Variants in ANKRD12 observed in about 807,000 individuals in gnomAD.
The protein encoded by ANKRD12 is ankyrin repeat domain-containing protein 12.
In ANKRD12, 85 loss-of-function variants were observed where a neutral mutation model predicts 183.4. The observed-to-expected ratio is 0.46, with a 90% CI of 0.39 to 0.56. The LOEUF (loss-of-function observed/expected upper bound fraction) is 0.56. Among genes scored for constraint, ANKRD12 ranks in the 20% least tolerant of loss-of-function variants. The probability of loss-of-function intolerance (pLI) is 0.00; values close to 1 mark genes in which losing one functional copy is unlikely to be tolerated. For missense variants in ANKRD12, 2,405 were observed against 2,357.1 expected (o/e 1.02, Z -0.42); for synonymous variants, 914 against 800.2 (o/e 1.14, Z -2.40).
intron 1 of ANKRD12, among the ~76,000 whole-genome samples, chr18:9,157,281 T>A (rs760495402): frequency 1.3e-5 from 2 of 152,096 alleles, no homozygotes; most frequent in Non-Finnish European, 2.9e-5. Flanking sequence ...TGAAGCCTAT[T>A]TTATAATAAA....
At chr18:9,197,619 C>T (rs1278375038) in intron 3 of ANKRD12, among the ~76,000 whole-genome samples, 5 of 151,890 alleles carry the variant, frequency 3.3e-5, no homozygotes, top group African/African-American at 1.2e-4. Flanking sequence ...CCTGAGATGA[C>T]GTGTTATATT....
intron 6 of ANKRD12, among the ~76,000 whole-genome samples, chr18:9,212,043 T>C (rs2144642545): frequency 6.6e-6 from 1 of 152,220 alleles, no homozygotes; most frequent in South Asian, 2.1e-4. Flanking sequence ...TTTATCCAAG[T>C]TAGGTTTTGC....
intron 11 of ANKRD12, among the ~76,000 whole-genome samples, chr18:9,278,714 C>T (rs1456990746): frequency 1.3e-5 from 2 of 151,820 alleles, no homozygotes; most frequent in African/African-American, 4.8e-5. Flanking sequence ...GGAGAATCGC[C>T]TGAACCTGGG....
intron 2 of ANKRD12, among the ~76,000 whole-genome samples, chr18:9,190,965 G>A (rs369779910): frequency 2.0e-5 from 3 of 152,082 alleles, no homozygotes; most frequent in African/African-American, 7.2e-5. Flanking sequence ...TATTGTTCCC[G>A]AGTTTTCTGT....
At chr18:9,268,095 A>G (rs1259263672) in intron 10 of ANKRD12, among the ~76,000 whole-genome samples, 2 of 152,212 alleles carry the variant, frequency 1.3e-5, no homozygotes, top group Admixed American at 6.5e-5. Context: ...GAATAGACCA[A>G]TAACAGGCTC....
chr18:9,228,715 G>A (rs1489345984), intron 8 of ANKRD12, among the ~76,000 whole-genome samples: 2 of 152,008 alleles, frequency 1.3e-5, no homozygotes, highest in Non-Finnish European at 2.9e-5. Flanking sequence ...CTGGATATTA[G>A]TCCCTTGTCA....
chr18:9,219,816 A>G (rs887824374), intron 7 of ANKRD12, among the ~76,000 whole-genome samples: 2 of 151,836 alleles, frequency 1.3e-5, no homozygotes, highest in African/African-American at 4.8e-5. Context: ...AGTGCTTCTT[A>G]AGATATGGAA....
At position 9,205,206 on chromosome 18, in the gene ANKRD12, TTAAAA is replaced by T. The variant is rs373689985; in HGVS notation, c.304+667_304+671del. On this transcript the variant is annotated intron_variant, in intron 4 of 12. Coordinates refer to ENST00000262126, the MANE Select transcript of ANKRD12 (RefSeq NM_015208.5). ...GAGGATATACAAGTACTGTGTCCTC[TTAAAA>T]TAAAGAGTAAATGTGTTCTCTAGTA... Among the ~76,000 whole-genome samples the T allele has an allele frequency of 3.9e-3, 589 of 152,286 alleles. 3 individuals carry two copies. Among genetic ancestry groups the T allele is most frequent in the African/African-American group, 0.013 (524 of 41,562 alleles).
chr18:9,158,924 A>G (rs541585488), intron 1 of ANKRD12, among the ~76,000 whole-genome samples: 2 of 152,308 alleles, frequency 1.3e-5, no homozygotes, highest in African/African-American at 4.8e-5. Context: ...TTGGGTTATA[A>G]TCCAATACTA....
At chr18:9,269,641 A>G (rs1290585001) in intron 10 of ANKRD12, among the ~76,000 whole-genome samples, 3 of 152,228 alleles carry the variant, frequency 2.0e-5, no homozygotes, top group African/African-American at 4.8e-5. Context: ...AAAGACTTAA[A>G]TGTTAGACCT....
At chr18:9,178,811 C>T (rs1044286618) in intron 1 of ANKRD12, among the ~76,000 whole-genome samples, 3 of 152,086 alleles carry the variant, frequency 2.0e-5, no homozygotes, top group Non-Finnish European at 4.4e-5. Flanking sequence ...ATATTTAGAT[C>T]TTTTTTCACT....
At chr18:9,201,827 CTT>C (rs200051164) in intron 3 of ANKRD12, among the ~76,000 whole-genome samples, 13 of 141,718 alleles carry the variant, frequency 9.2e-5, no homozygotes, top group Admixed American at 2.1e-4. Context: ...GTTTTTTTCG[CTT>C]TTTTTTTTTT....
intron 1 of ANKRD12, among the ~76,000 whole-genome samples, chr18:9,164,575 A>G (rs2031828896): frequency 6.6e-6 from 1 of 152,144 alleles, no homozygotes; most frequent in East Asian, 1.9e-4. Context: ...TTTTAGCTGC[A>G]TCCCAGAGAT....
intron 1 of ANKRD12, among the ~76,000 whole-genome samples, chr18:9,164,481 G>A (rs1289458166): frequency 6.6e-6 from 1 of 152,044 alleles, no homozygotes; most frequent in Non-Finnish European, 1.5e-5. Flanking sequence ...AATTCTTTTA[G>A]TTGTGACATT....
At chr18:9,209,232 A>C (rs1236715353) in intron 5 of ANKRD12, among the ~76,000 whole-genome samples, 1 of 152,212 alleles carries the variant, frequency 6.6e-6, no homozygotes, top group African/African-American at 2.4e-5. Context: ...AACAAACCAA[A>C]CAACATGGTA....
At chr18:9,260,889 C>T (rs2038926287) in intron 9 of ANKRD12, among the ~76,000 whole-genome samples, 1 of 152,168 alleles carries the variant, frequency 6.6e-6, no homozygotes, top group Non-Finnish European at 1.5e-5. Context: ...ACCTGAATGT[C>T]CATAAGCTCC....
chr18:9,157,555 G>GTT (rs199894678), intron 1 of ANKRD12, among the ~76,000 whole-genome samples: 2 of 84,172 alleles, frequency 2.4e-5, no homozygotes, highest in African/African-American at 9.1e-5. Flanking sequence ...GTGTGGGTGT[G>GTT]TGTGTGTGTG....
intron 1 of ANKRD12, among the ~76,000 whole-genome samples, chr18:9,164,679 C>G (rs1234364128): frequency 1.3e-5 from 2 of 152,120 alleles, no homozygotes; most frequent in Non-Finnish European, 2.9e-5. Context: ...GCAGGTTGTT[C>G]AGTTTACATG....
chr18:9,276,590 T>C (rs1053013494), intron 11 of ANKRD12, among the ~76,000 whole-genome samples: 1 of 152,086 alleles, frequency 6.6e-6, no homozygotes. Flanking sequence ...GGGGCACACA[T>C]GTAGTCCCAG....
Sources: allele counts gnomAD v4.1 joint callset (sites outside exome capture counted in the v4.1 genomes callset), GRCh38; gene constraint gnomAD v4.1.1; transcripts MANE v1.5; gene names NCBI Gene and HGNC (gene_info 2026-07-23, HGNC 2026-07-21).